Variants in ZNF892 observed in about 807,000 individuals in gnomAD.
ZNF892 encodes the protein zinc finger protein 570-like.
the ZNF892 span, among the ~76,000 whole-genome samples, chr2:95,253,988 G>A: frequency 1.5e-4 from 23 of 152,170 alleles, no homozygotes; most frequent in East Asian, 1.7e-3. Flanking sequence ...GGGCTGAGAC[G>A]ATGGGATTTT....
chr2:95,233,342 G>A, the ZNF892 span, among the ~76,000 whole-genome samples: 2 of 151,290 alleles, frequency 1.3e-5, no homozygotes, highest in African/African-American at 4.9e-5. Flanking sequence ...TGGGACTACA[G>A]GCACGTGCCA....
At chr2:95,234,654 C>T in the ZNF892 span, among the ~76,000 whole-genome samples, 2 of 152,230 alleles carry the variant, frequency 1.3e-5, no homozygotes, top group Non-Finnish European at 2.9e-5. Context: ...CATGGGGGCT[C>T]ACAGGAAGGT....
At chr2:95,254,198 T>G in the ZNF892 span, among the ~76,000 whole-genome samples, 3 of 152,242 alleles carry the variant, frequency 2.0e-5, no homozygotes, top group Non-Finnish European at 4.4e-5. Context: ...GCCCATTCAG[T>G]ATGATATTGG....
At chr2:95,224,939 G>A in the ZNF892 span, among the ~76,000 whole-genome samples, 3 of 152,172 alleles carry the variant, frequency 2.0e-5, no homozygotes, top group African/African-American at 7.2e-5. Context: ...TTTGCCCTTT[G>A]GCCATGGAAT....
At chr2:95,249,231 ATTTTTTTTTT>A in the ZNF892 span, among the ~76,000 whole-genome samples, 11 of 57,110 alleles carry the variant, frequency 1.9e-4, no homozygotes, top group Admixed American at 9.5e-4. Flanking sequence ...ATATATATAT[ATTTTTTTTTT>A]TTTTTTTTTT....
chr2:95,224,227 C>T, the ZNF892 span, among the ~76,000 whole-genome samples: 1 of 152,158 alleles, frequency 6.6e-6, no homozygotes, highest in Admixed American at 6.5e-5. Context: ...CTCTATTCTC[C>T]CCAGCACTAG....
the ZNF892 span, among the ~76,000 whole-genome samples, chr2:95,248,032 A>G: frequency 6.6e-6 from 1 of 152,276 alleles, no homozygotes; most frequent in South Asian, 2.1e-4. Flanking sequence ...AAAGACACAC[A>G]CACTCATATG....
At chr2:95,254,544 T>A in the ZNF892 span, among the ~76,000 whole-genome samples, 57 of 152,318 alleles carry the variant, frequency 3.7e-4, no homozygotes, top group African/African-American at 1.3e-3. Context: ...AAAATTCTCT[T>A]TTTTTGTTGT....
chr2:95,245,789 A>G, the ZNF892 span, among the ~76,000 whole-genome samples: 2 of 152,148 alleles, frequency 1.3e-5, no homozygotes, highest in Non-Finnish European at 2.9e-5. Context: ...AATACTGGAC[A>G]CATACACCCT....
chr2:95,241,083 A>G, the ZNF892 span, among the ~76,000 whole-genome samples: 1 of 152,178 alleles, frequency 6.6e-6, no homozygotes, highest in African/African-American at 2.4e-5. Flanking sequence ...TTGGCTTTGG[A>G]GAGTCCAAAC....
the ZNF892 span, among the ~76,000 whole-genome samples, chr2:95,231,004 A>G: frequency 2.6e-5 from 4 of 152,362 alleles, no homozygotes; most frequent in East Asian, 7.7e-4. Context: ...TGGGAAGATA[A>G]AAATGCTACT....
At chr2:95,213,805 TG>T in the ZNF892 span, among the ~76,000 whole-genome samples, 2 of 152,142 alleles carry the variant, frequency 1.3e-5, no homozygotes, top group African/African-American at 4.8e-5. Context: ...GAAAGGGAGA[TG>T]GTTTTGAGCA....
chr2:95,229,434 C>T, the ZNF892 span, among the ~76,000 whole-genome samples: 40 of 152,268 alleles, frequency 2.6e-4, no homozygotes, highest in Middle Eastern at 6.8e-3. Context: ...AGTTAATCCA[C>T]CCCACGCCAC....
chr2:95,206,921 G>T, the ZNF892 span, among the ~76,000 whole-genome samples: 2 of 152,190 alleles, frequency 1.3e-5, no homozygotes, highest in Non-Finnish European at 2.9e-5. Flanking sequence ...AAAATTCAAA[G>T]TAACGAGTTA....
the ZNF892 span, among the ~76,000 whole-genome samples, chr2:95,209,356 A>G: frequency 6.6e-6 from 1 of 152,202 alleles, no homozygotes; most frequent in Non-Finnish European, 1.5e-5. Flanking sequence ...TGGTGAGGGA[A>G]GCTCGGCTGT....
chr2:95,223,649 C>A, the ZNF892 span, among the ~76,000 whole-genome samples: 1 of 152,148 alleles, frequency 6.6e-6, no homozygotes, highest in Non-Finnish European at 1.5e-5. Flanking sequence ...AATCTGCCCA[C>A]CTTGGCCTCC....
the ZNF892 span, among the ~76,000 whole-genome samples, chr2:95,261,767 G>C: frequency 6.6e-6 from 1 of 152,212 alleles, no homozygotes; most frequent in Non-Finnish European, 1.5e-5. Context: ...GCTGTGGGAT[G>C]GGCTGAGCCA....
At chr2:95,236,425 C>T in the ZNF892 span, among the ~76,000 whole-genome samples, 85 of 152,318 alleles carry the variant, frequency 5.6e-4, no homozygotes, top group Middle Eastern at 6.8e-3. Context: ...TAAAGAATCA[C>T]CAATGTTTTA....
the ZNF892 span, among the ~76,000 whole-genome samples, chr2:95,219,391 A>T: frequency 1.3e-5 from 2 of 151,730 alleles, no homozygotes; most frequent in Admixed American, 6.6e-5. Context: ...CTTGAGTTTT[A>T]TTTCAGTTAT....
Sources: gnomAD v4.1 joint callset for allele counts (sites outside exome capture counted in the v4.1 genomes callset) on GRCh38, gnomAD v4.1.1 for gene constraint, MANE v1.5 for transcripts, NCBI Gene and HGNC (gene_info 2026-07-23, HGNC 2026-07-21) for gene names.